MYO18B: variants seen among roughly 807,000 people sequenced by gnomAD.
The protein encoded by MYO18B is myosin XVIIIB, also known as unconventional myosin-XVIIIb.
MYO18B carries 204 observed loss-of-function variants against 273.0 expected under a neutral mutation model. The observed-to-expected ratio is 0.75, with a 90% CI of 0.67 to 0.84. The LOEUF (loss-of-function observed/expected upper bound fraction) is 0.84. Among genes scored for constraint, MYO18B ranks in the 40% least tolerant of loss-of-function variants. The pLI, the probability that MYO18B is intolerant of heterozygous loss-of-function variation, is 0.00. For missense variants in MYO18B, 3,212 were observed against 3,287.6 expected, an observed-to-expected ratio of 0.98 and a Z score of 0.56; for synonymous variants, 1,330 against 1,305.7, an observed-to-expected ratio of 1.02 and a Z score of -0.40.
intron 34 of MYO18B, among the ~76,000 whole-genome samples, chr22:25,940,956 A>G (rs1459883064): frequency 6.6e-6 from 1 of 152,228 alleles, no homozygotes; most frequent in Non-Finnish European, 1.5e-5. Context: ...TGCCTTGCAG[A>G]ATTCGAGCAG....
intron 39 of MYO18B, among the ~76,000 whole-genome samples, chr22:25,961,519 G>C (rs1369056364): frequency 6.6e-6 from 1 of 152,194 alleles, no homozygotes; most frequent in Non-Finnish European, 1.5e-5. Flanking sequence ...GGAGACTCCA[G>C]GAGCCATTAT....
intron 30 of MYO18B, 143 bp from the exon 31 acceptor site, chr22:25,903,488 G>T: frequency 1.3e-6 from 1 of 795,434 alleles, no homozygotes; most frequent in Non-Finnish European, 2.0e-6. Flanking sequence ...GCGCTGTGAG[G>T]GACGGTGGGG....
intron 38 of MYO18B, among the ~76,000 whole-genome samples, chr22:25,954,839 G>A (rs938581972): frequency 6.6e-6 from 1 of 152,068 alleles, no homozygotes; most frequent in Non-Finnish European, 1.5e-5. Flanking sequence ...AGCCTCCCAA[G>A]TAGCAGGGAT....
chr22:25,758,343 A>G (rs1307490081), intron 1 of MYO18B, among the ~76,000 whole-genome samples: 1 of 150,644 alleles, frequency 6.6e-6, no homozygotes, highest in African/African-American at 2.4e-5. Context: ...TGAATTAAAC[A>G]TAAAATTATT....
chr22:25,780,774 C>A (rs955299203), intron 9 of MYO18B, among the ~76,000 whole-genome samples: 1 of 152,080 alleles, frequency 6.6e-6, no homozygotes, highest in South Asian at 2.1e-4. Context: ...GACTTTCAGG[C>A]GGATGAAATA....
intron 12 of MYO18B, among the ~76,000 whole-genome samples, chr22:25,819,808 C>T (rs1055035838): frequency 3.3e-5 from 5 of 151,752 alleles, no homozygotes; most frequent in Admixed American, 2.0e-4. Flanking sequence ...TAGTATCAGC[C>T]TGTTTTCTGG....
chr22:25,897,238 G>A (rs1035714001), intron 28 of MYO18B: 9 of 152,224 alleles, frequency 5.9e-5, no homozygotes, highest in Admixed American at 1.3e-4. Context: ...GAGCCATAGG[G>A]TGGAGGTTAT....
chr22:25,839,841 G>C (rs983402517), intron 17 of MYO18B, among the ~76,000 whole-genome samples: 2 of 152,202 alleles, frequency 1.3e-5, no homozygotes, highest in South Asian at 4.1e-4. Flanking sequence ...TCTGCTCACC[G>C]CTCAACTGCA....
Position 26,027,519 on chromosome 22 carries a change from C to G in MYO18B, c.7545C>G (p.Ile2515Met), listed in dbSNP as rs771063098. 1.9e-6 allele frequency: 3 copies of G among 1,613,848 alleles called. No homozygotes were observed. The African/African-American group carries it at 4.0e-5, about 22-fold the overall frequency. The change falls in exon 43 of 44, where the codon ATC becomes ATG. Residue 2515 changes from isoleucine to methionine, a missense_variant. Physicochemically the swap from Ile to Met is conservative, Grantham distance 10. Coordinates refer to ENST00000335473, the MANE Select transcript of MYO18B (RefSeq NM_032608.7). This position sits in a 1 kb window ranked among gnomAD's most constrained non-coding sequence, Gnocchi z 4.1. ...ACTCGTCCTCATCCTCCGGCTCCAT[C>G]GTGTCCTTCAAAAGTGCTGACAGCA... Reference protein sequence around the residue: ...LSDSSSSSGSIVSFKSADSIK... With the variant: ...LSDSSSSSGSMVSFKSADSIK...
chr22:25,947,340 G>T (rs2146595403), intron 35 of MYO18B, among the ~76,000 whole-genome samples: 1 of 152,180 alleles, frequency 6.6e-6, no homozygotes, highest in East Asian at 1.9e-4. Context: ...CAAAGTCCCT[G>T]TTCTCAGGGA....
intron 20 of MYO18B, among the ~76,000 whole-genome samples, chr22:25,850,927 C>T (rs2090407538): frequency 6.6e-6 from 1 of 152,180 alleles, no homozygotes; most frequent in African/African-American, 2.4e-5. Flanking sequence ...TCAGGTGCCC[C>T]TTCTCTTCCC....
In MYO18B at chr22:25,986,376, A is replaced by C. The variant is rs16981136; in HGVS notation, c.6157-5987A>C. On this transcript the variant is annotated intron_variant, in intron 39 of 43. Transcript: ENST00000335473. ...TTATTCTTTACAGAAAATCTTGAGG[A>C]GTGCTCAAAGGAATGTAAAAATTGC... Among the ~76,000 whole-genome samples the C allele has an allele frequency of 5.0e-3, 768 of 152,324 alleles. 5 individuals are homozygous for C. Among genetic ancestry groups the C allele is most frequent in the African/African-American group, 0.017 (713 of 41,570 alleles).
intron 40 of MYO18B, among the ~76,000 whole-genome samples, chr22:25,997,883 C>T (rs1050915421): frequency 1.3e-5 from 2 of 151,130 alleles, no homozygotes; most frequent in Admixed American, 6.6e-5. Context: ...AGGTACTTCT[C>T]CAAACAGAGT....
intron 25 of MYO18B, among the ~76,000 whole-genome samples, chr22:25,886,144 C>T: frequency 6.6e-6 from 1 of 152,246 alleles, no homozygotes. Flanking sequence ...GTACCCACTT[C>T]TCAGCATTTT....
Position 25,891,406 on chromosome 22 carries a change from G to A in MYO18B, c.4537G>A (p.Gly1513Arg). ...QLNDLERNPT[G>R]GADEWQMRFD... ...GAATGACTTGGAAAGGAATCCCACT[G>A]GAGGAGGTGAGCAGCCTGGGACCCT... Residue 1513 changes from glycine (G) to arginine (R), a missense_variant, in exon 27 of 44, where the codon GGA becomes AGA. Coordinates refer to ENST00000335473, the MANE Select transcript of MYO18B (RefSeq NM_032608.7). The A allele has an allele frequency of 1.3e-6, 2 of 1,573,640 alleles. No individual in the cohort carries two copies. Among genetic ancestry groups the A allele is most frequent in the Non-Finnish European group, 1.7e-6 (2 of 1,157,600 alleles).
intron 39 of MYO18B, among the ~76,000 whole-genome samples, chr22:25,984,812 A>AT (rs2093184161): frequency 6.6e-6 from 1 of 151,760 alleles, no homozygotes; most frequent in African/African-American, 2.4e-5. Context: ...AGAAAAAAAA[A>AT]AAAGTGTAGC....
the MYO18B span, among the ~76,000 whole-genome samples, chr22:26,044,010 CT>C: frequency 2.6e-5 from 4 of 152,116 alleles, no homozygotes; most frequent in African/African-American, 9.7e-5. Flanking sequence ...TGATGTTGGT[CT>C]TTTTAGTTTT....
intron 11 of MYO18B, among the ~76,000 whole-genome samples, chr22:25,790,853 G>A (rs1048336498): frequency 6.6e-6 from 1 of 152,150 alleles, no homozygotes; most frequent in Non-Finnish European, 1.5e-5. Context: ...TGAGGACCCA[G>A]AGAAGGGGAT....
At chr22:26,049,723 C>T in the MYO18B span, among the ~76,000 whole-genome samples, 2 of 152,058 alleles carry the variant, frequency 1.3e-5, no homozygotes, top group Admixed American at 6.6e-5. Flanking sequence ...ATCACTGGGC[C>T]GGGACTCCAG....
Sources: allele counts gnomAD v4.1 joint callset (sites outside exome capture counted in the v4.1 genomes callset), GRCh38; gene constraint gnomAD v4.1.1; non-coding constraint Gnocchi (gnomAD v3.1); transcripts MANE v1.5; gene names NCBI Gene and HGNC (gene_info 2026-07-23, HGNC 2026-07-21).